Variants in CAMSAP1 observed in about 807,000 individuals in gnomAD.
CAMSAP1 encodes the protein calmodulin-regulated spectrin-associated protein 1.
CAMSAP1 carries 58 observed loss-of-function variants against 143.5 expected under a neutral mutation model. That is an observed-to-expected ratio of 0.40 (90% CI 0.33 to 0.50). The LOEUF (loss-of-function observed/expected upper bound fraction) is 0.50, where lower values mean the gene tolerates loss of function less well. Ranked by LOEUF, CAMSAP1 falls within the 20% of genes least tolerant of loss-of-function variation. The pLI, the probability that CAMSAP1 is intolerant of heterozygous loss-of-function variation, is 0.45. For synonymous variants in CAMSAP1, 945 were observed against 859.3 expected (o/e 1.10, Z -1.74); for missense variants, 1,969 against 2,115.7 (o/e 0.93, Z 1.36).
At chr9:135,823,355 A>G in intron 10 of CAMSAP1, 95 bp from the exon 11 acceptor site, 1 of 1,340,020 alleles carries the variant, frequency 7.5e-7, no homozygotes, top group Non-Finnish European at 1.0e-6. Flanking sequence ...ACACAAAGAG[A>G]ATACGCCTCT....
At chr9:135,829,490 C>A (rs746292662) in intron 7 of CAMSAP1, among the ~76,000 whole-genome samples, 3 of 151,876 alleles carry the variant, frequency 2.0e-5, no homozygotes, top group Non-Finnish European at 4.4e-5. Context: ...GCACTTCAGT[C>A]CAGCCTGGAC....
chr9:135,861,923 A>AT (rs1211674969), intron 5 of CAMSAP1, among the ~76,000 whole-genome samples: 1 of 152,156 alleles, frequency 6.6e-6, no homozygotes, highest in Non-Finnish European at 1.5e-5. Context: ...CTGGAGGGAG[A>AT]TACACTGTCA....
Position 135,809,870 on chromosome 9 carries a change from G to C in CAMSAP1, c.*1439C>G, listed in dbSNP as rs1834978811. On this transcript the variant is annotated 3_prime_UTR_variant, in exon 17 of 17. Coordinates refer to ENST00000389532, the MANE Select transcript of CAMSAP1 (RefSeq NM_015447.4). ...GGAATAAGACCTATAATTCCTTCTAGCCTTCTGTACCATGTTCCCTCCTTA... is the reference window on the plus strand; with the variant it reads ...GGAATAAGACCTATAATTCCTTCTACCCTTCTGTACCATGTTCCCTCCTTA... 6.6e-6 allele frequency: 1 copy of C among 152,526 alleles called. No individual in the cohort carries two copies. Among genetic ancestry groups the C allele is most frequent in the African/African-American group, 2.4e-5 (1 of 41,432 alleles). The allele number at this position is 152,526 out of a possible 1,614,324, so 9.4% of individuals were successfully genotyped here.
chr9:135,822,212 A>C lies in CAMSAP1; in HGVS notation c.2449T>G (p.Phe817Val), dbSNP rs1486886624. Residue 817 changes from phenylalanine to valine, a missense_variant, in exon 11 of 17, where the codon TTT becomes GTT. Physicochemically the swap from Phe to Val is conservative, Grantham distance 50 (BLOSUM62 -1). Coordinates refer to ENST00000389532, the MANE Select transcript of CAMSAP1 (RefSeq NM_015447.4). This position sits in a 1 kb window ranked among gnomAD's most constrained non-coding sequence, Gnocchi z 6.1. ...MASGSVKMTSFAERKLQRLNS... is the reference protein window; with the variant it reads ...MASGSVKMTSVAERKLQRLNS... ...AGTCTCTGGAGCTTCCTCTCCGCAA[A>C]GCTGGTCATCTTCACGCTCCCACTC... 6.2e-7 allele frequency: 1 copy of C among 1,613,810 alleles called. No individual in the cohort carries two copies. The highest frequency in any genetic ancestry group is 1.3e-5 in the African/African-American group (1 of 74,912).
intron 3 of CAMSAP1, among the ~76,000 whole-genome samples, chr9:135,875,195 T>C (rs1259366690): frequency 1.4e-5 from 2 of 147,648 alleles, no homozygotes; most frequent in Non-Finnish European, 3.0e-5. Flanking sequence ...GCAAAGGACC[T>C]AGAATAGTGA....
chr9:135,819,457 G>C (rs1835361813), intron 11 of CAMSAP1, among the ~76,000 whole-genome samples: 1 of 152,126 alleles, frequency 6.6e-6, no homozygotes, highest in South Asian at 2.1e-4. Flanking sequence ...CCAGCACTTT[G>C]GGAGGCTGAG....
intron 1 of CAMSAP1, among the ~76,000 whole-genome samples, chr9:135,894,988 A>T (rs961932273): frequency 6.6e-6 from 1 of 152,248 alleles, no homozygotes; most frequent in Admixed American, 6.5e-5. Context: ...TGGGCTCAGC[A>T]ATAGTTGAGA....
At position 135,818,573 on chromosome 9, in the gene CAMSAP1, C is replaced by CCTT; in HGVS notation, c.4000_4002dup (p.Lys1334dup). 6.2e-7 allele frequency: 1 copy of CCTT among 1,613,398 alleles called. No homozygotes were observed. Among genetic ancestry groups the CCTT allele is most frequent in the Non-Finnish European group, 8.5e-7 (1 of 1,179,834 alleles). On this transcript the variant is annotated inframe_insertion, in exon 13 of 17. Coordinates refer to ENST00000389532, the MANE Select transcript of CAMSAP1 (RefSeq NM_015447.4). This position sits in a 1 kb window ranked among gnomAD's most constrained non-coding sequence, Gnocchi z 7.7. ...TCCTGCTTGATGAGCTCGCGCCGCG[C>CCTT]CTTCTCCTCCTCCTTCCGCACCCGG...
At chr9:135,861,195 C>T (rs1564445585) in intron 5 of CAMSAP1, among the ~76,000 whole-genome samples, 1 of 152,354 alleles carries the variant, frequency 6.6e-6, no homozygotes, top group East Asian at 1.9e-4. Flanking sequence ...CAGGGCCAAA[C>T]GAACATGGAA....
chr9:135,836,774 T>C (rs956563893), intron 7 of CAMSAP1: 11 of 982,728 alleles, frequency 1.1e-5, no homozygotes, highest in Non-Finnish European at 1.3e-5. Context: ...TTCTACCCTG[T>C]TCTACAGACA....
At position 135,821,332 on chromosome 9, in the gene CAMSAP1, G is replaced by A; in HGVS notation, c.3329C>T (p.Pro1110Leu). The change falls in exon 11 of 17, where the codon CCA (proline) becomes CTA (leucine). Residue 1110 changes from proline (P) to leucine (L), a missense_variant. By Grantham distance (98) the Pro-to-Leu change is moderately conservative. This residue lies in a region of CAMSAP1 where 1,390 missense variants were observed against 1,420.8 expected (regional missense o/e 0.98). Coordinates refer to ENST00000389532, the MANE Select transcript of CAMSAP1 (RefSeq NM_015447.4). This position sits in a 1 kb window ranked among gnomAD's most constrained non-coding sequence, Gnocchi z 4.6. Reference protein sequence around the residue: ...RSGRPAELKVPKDRPQGSSRS... With the variant: ...RSGRPAELKVLKDRPQGSSRS... ...GGAGGAGCCCTGTGGCCTGTCTTTT[G>A]GGACCTTCAGCTCCGCCGGCCTTCC... 1 of 1,613,458 alleles carries A rather than the reference G, an allele frequency of 6.2e-7. No homozygotes were observed. Among genetic ancestry groups the A allele is most frequent in the East Asian group, 2.2e-5 (1 of 44,862 alleles).
chr9:135,899,417 T>TA (rs577120532), intron 1 of CAMSAP1, among the ~76,000 whole-genome samples: 6,392 of 125,358 alleles, frequency 0.051, 246 homozygotes, highest in African/African-American at 0.12. Context: ...TTGTCTCTAT[T>TA]AAAAAAAAAA....
In CAMSAP1 at chr9:135,821,518, A is replaced by G; in HGVS notation, c.3143T>C (p.Leu1048Pro). Residue 1048 changes from leucine to proline, a missense_variant, in exon 11 of 17, where the codon CTT becomes CCT. Leu to Pro is a moderately conservative substitution (Grantham distance 98). Transcript: ENST00000389532. The surrounding 1 kb of genome is among the most constrained non-coding windows in gnomAD (Gnocchi z 4.6). ...ILKISQQQEQ[L>P]LMKSPTVPVP... ...TGGGACTGTGGGGGACTTCATCAGAAGCTGCTCTTGCTGCTGAGAGATTTT... is the reference window on the plus strand; with the variant it reads ...TGGGACTGTGGGGGACTTCATCAGAGGCTGCTCTTGCTGCTGAGAGATTTT... 1.2e-6 allele frequency: 2 copies of G among 1,614,054 alleles called. No homozygotes were observed. Among genetic ancestry groups the G allele is most frequent in the Non-Finnish European group, 1.7e-6 (2 of 1,179,906 alleles).
rs1224188884 is a variant in CAMSAP1 at position 135,826,307 on chromosome 9, CCTCA to C, written c.1223+1096_1223+1099del. ...GGACGGCTCAGCCTCGAGCCATTCTCCTCACTCAGTGACCCCGCCTGTGCCCGCG... is the reference window on the plus strand; with the variant it reads ...GGACGGCTCAGCCTCGAGCCATTCTCCTCAGTGACCCCGCCTGTGCCCGCG... On this transcript the variant is annotated intron_variant, in intron 8 of 16. Transcript: ENST00000389532. The surrounding 1 kb of genome is among the most constrained non-coding windows in gnomAD (Gnocchi z 4.4). 6.6e-6 allele frequency: 1 copy of C among 152,282 alleles called. No homozygotes were observed. Among genetic ancestry groups the C allele is most frequent in the African/African-American group, 2.4e-5 (1 of 41,428 alleles). The allele number at this position is 152,282 out of a possible 1,614,324, so 9.4% of individuals were successfully genotyped here.
At position 135,823,617 on chromosome 9, in the gene CAMSAP1, A is replaced by G. The variant is rs546353922; in HGVS notation, c.1400+333T>C. Among the ~76,000 whole-genome samples, 29 of 152,354 alleles carry G rather than the reference A, an allele frequency of 1.9e-4. No homozygotes were observed. In the South Asian group the frequency reaches 5.2e-3, roughly 27 times the overall value. Reference sequence around the variant, plus strand: ...TTAGCCCACTCCATGACAAATGACTATATTCGCCAGAACGGAAGAAGTTCC... The same window carrying G: ...TTAGCCCACTCCATGACAAATGACTGTATTCGCCAGAACGGAAGAAGTTCC... On this transcript the variant is annotated intron_variant, in intron 10 of 16. Transcript: ENST00000389532.
chr9:135,884,416 C>T (rs78601062), intron 1 of CAMSAP1, among the ~76,000 whole-genome samples: 2,687 of 152,248 alleles, frequency 0.018, 87 homozygotes, highest in African/African-American at 0.06. Context: ...CCCTGAGTCA[C>T]TTCATTATGG....
chr9:135,839,149 C>T (rs967343929), intron 7 of CAMSAP1, among the ~76,000 whole-genome samples: 1 of 152,232 alleles, frequency 6.6e-6, no homozygotes, highest in African/African-American at 2.4e-5. Context: ...ATGAGCCTAT[C>T]TGTCTTTCCT....
chr9:135,854,516 G>A (rs920470520), intron 5 of CAMSAP1, among the ~76,000 whole-genome samples: 1 of 151,624 alleles, frequency 6.6e-6, no homozygotes, highest in East Asian at 1.9e-4. Context: ...CATCTGGAGT[G>A]CAGTGGCACA....
chr9:135,844,937 G>A (rs780841482), intron 7 of CAMSAP1, among the ~76,000 whole-genome samples: 3 of 152,108 alleles, frequency 2.0e-5, no homozygotes, highest in Non-Finnish European at 4.4e-5. Context: ...TTCTACCAGA[G>A]GTACAAAGAG....
Sources: gnomAD v4.1 joint callset for allele counts (sites outside exome capture counted in the v4.1 genomes callset) on GRCh38, gnomAD v4.1.1 for gene constraint, gnomAD v4.1.1 regional missense constraint, Gnocchi (gnomAD v3.1) non-coding constraint, MANE v1.5 for transcripts, NCBI Gene and HGNC (gene_info 2026-07-23, HGNC 2026-07-21) for gene names.